PTPRM: variants seen among roughly 807,000 people sequenced by gnomAD.
The protein encoded by PTPRM is receptor-type tyrosine-protein phosphatase mu.
In PTPRM, 47 loss-of-function variants were observed where a neutral mutation model predicts 186.7. That is an observed-to-expected ratio of 0.25 (90% CI 0.20 to 0.32). PTPRM has a LOEUF of 0.32. Among genes scored for constraint, PTPRM ranks in the 10% least tolerant of loss-of-function variants. PTPRM has a pLI of 1.00. For missense variants in PTPRM, 1,494 were observed against 1,865.0 expected (o/e 0.80, Z 3.66); for synonymous variants, 668 against 674.9 (o/e 0.99, Z 0.16).
intron 13 of PTPRM, among the ~76,000 whole-genome samples, chr18:8,116,752 T>C (rs1217170710): frequency 1.3e-5 from 2 of 152,236 alleles, no homozygotes; most frequent in Non-Finnish European, 2.9e-5. Context: ...TTTGGATCAT[T>C]TTCTTCCATC....
rs149985919 is a variant in PTPRM, at chr18:8,313,958, G to A, written c.2843-823G>A. Among the ~76,000 whole-genome samples the A allele has an allele frequency of 8.8e-3, 1,342 of 152,080 alleles. 9 individuals carry two copies. Among genetic ancestry groups the A allele is most frequent in the Middle Eastern group, 0.014 (4 of 294 alleles). On this transcript the variant is annotated intron_variant, in intron 20 of 32. Transcript: ENST00000580170. The stretch of plus-strand genomic sequence containing the variant: ...TTGAAGCCAGGAATTTGAAACCAGC[G>A]TGGGCAACATAGCCAGACCCCATTT...
At chr18:8,022,216 A>G (rs564074079) in intron 7 of PTPRM, among the ~76,000 whole-genome samples, 20 of 152,178 alleles carry the variant, frequency 1.3e-4, no homozygotes, top group African/African-American at 4.8e-4. Context: ...AAATAAAGTA[A>G]TCTCTGGGAT....
chr18:8,294,451 A>T (rs4798620), intron 19 of PTPRM, among the ~76,000 whole-genome samples: 6,865 of 152,130 alleles, frequency 0.045, 219 homozygotes, highest in Non-Finnish European at 0.066. Flanking sequence ...CGCTTATAAA[A>T]CGATCAAATC....
chr18:8,043,233 C>G (rs1172513377), intron 7 of PTPRM, among the ~76,000 whole-genome samples: 1 of 152,166 alleles, frequency 6.6e-6, no homozygotes, highest in Non-Finnish European at 1.5e-5. Context: ...AGGTGCCTGT[C>G]TATGGTGGTA....
At chr18:7,700,989 A>AC (rs2039949952) in intron 1 of PTPRM, among the ~76,000 whole-genome samples, 1 of 145,602 alleles carries the variant, frequency 6.9e-6, no homozygotes, top group African/African-American at 2.6e-5. Context: ...AAAAAAAAAA[A>AC]AAAAAAAGAA....
At chr18:7,881,391 T>C (rs2048499461) in intron 2 of PTPRM, among the ~76,000 whole-genome samples, 1 of 152,210 alleles carries the variant, frequency 6.6e-6, no homozygotes, top group Non-Finnish European at 1.5e-5. Context: ...GCCGAGTTTG[T>C]GCCATTGCAT....
intron 14 of PTPRM, among the ~76,000 whole-genome samples, chr18:8,209,376 T>C (rs112437567): frequency 0.012 from 1,834 of 152,096 alleles, 34 homozygotes; most frequent in African/African-American, 0.042. Flanking sequence ...GGTTTGCTGA[T>C]AGATTGAAGT....
At chr18:8,023,723 T>A (rs2085368934) in intron 7 of PTPRM, among the ~76,000 whole-genome samples, 2 of 151,858 alleles carry the variant, frequency 1.3e-5, no homozygotes, top group African/African-American at 4.9e-5. Context: ...AAAACTTTTT[T>A]AAAAACCTTA....
intron 7 of PTPRM, among the ~76,000 whole-genome samples, chr18:8,000,130 C>T (rs2083780427): frequency 6.6e-6 from 1 of 152,208 alleles, no homozygotes; most frequent in Non-Finnish European, 1.5e-5. Context: ...CTGCTTTGCT[C>T]AGTAACGTGA....
intron 22 of PTPRM, among the ~76,000 whole-genome samples, chr18:8,333,375 T>G (rs1271871571): frequency 5.9e-5 from 9 of 152,220 alleles, no homozygotes; most frequent in Non-Finnish European, 1.3e-4. Context: ...CTGTGACACA[T>G]GAGGCAGATT....
intron 14 of PTPRM, among the ~76,000 whole-genome samples, chr18:8,224,134 T>G (rs919323880): frequency 5.9e-5 from 9 of 152,238 alleles, no homozygotes; most frequent in Non-Finnish European, 1.2e-4. Flanking sequence ...GAAACCCCAC[T>G]TTTCTACAAT....
At chr18:8,244,784 T>C (rs901709681) in intron 15 of PTPRM, among the ~76,000 whole-genome samples, 11 of 152,176 alleles carry the variant, frequency 7.2e-5, no homozygotes, top group Non-Finnish European at 1.2e-4. Flanking sequence ...AAGGCATTAT[T>C]TTAGGAAACT....
intron 22 of PTPRM, among the ~76,000 whole-genome samples, chr18:8,334,197 C>T: frequency 6.6e-6 from 1 of 152,240 alleles, no homozygotes; most frequent in East Asian, 1.9e-4. Flanking sequence ...CACCCTTGTC[C>T]TGGGTTCCCC....
intron 2 of PTPRM, chr18:7,814,874 T>A (rs1400359343): frequency 6.6e-6 from 1 of 152,230 alleles, no homozygotes; most frequent in African/African-American, 2.4e-5. Context: ...AAACTGATGT[T>A]TATGGTTTCT....
chr18:8,131,571 C>T (rs1194658237), intron 13 of PTPRM, among the ~76,000 whole-genome samples: 2 of 152,182 alleles, frequency 1.3e-5, no homozygotes, highest in African/African-American at 2.4e-5. Flanking sequence ...TGTCCCTCAG[C>T]GTCCTTAGTT....
chr18:8,116,287 T>A (rs2091954195), intron 13 of PTPRM, among the ~76,000 whole-genome samples: 1 of 152,260 alleles, frequency 6.6e-6, no homozygotes, highest in African/African-American at 2.4e-5. Context: ...TAGTTTATAA[T>A]GCTTAACGTT....
At chr18:8,110,983 T>C (rs2091729005) in intron 11 of PTPRM, among the ~76,000 whole-genome samples, 1 of 152,206 alleles carries the variant, frequency 6.6e-6, no homozygotes, top group Non-Finnish European at 1.5e-5. Context: ...GAATGAGGAA[T>C]GCCAGCACAG....
chr18:7,884,002 C>G (rs1023661162), intron 2 of PTPRM, among the ~76,000 whole-genome samples: 1 of 151,976 alleles, frequency 6.6e-6, no homozygotes, highest in African/African-American at 2.4e-5. Flanking sequence ...AAAAAATTAG[C>G]AGGGTGTGGT....
At chr18:8,233,190 T>A (rs780911775) in intron 14 of PTPRM, among the ~76,000 whole-genome samples, 4 of 152,208 alleles carry the variant, frequency 2.6e-5, no homozygotes, top group Non-Finnish European at 5.9e-5. Flanking sequence ...ACTACACACC[T>A]TGGCCTCCCA....
Sources: gnomAD v4.1 joint callset for allele counts (sites outside exome capture counted in the v4.1 genomes callset) on GRCh38, gnomAD v4.1.1 for gene constraint, MANE v1.5 for transcripts, NCBI Gene and HGNC (gene_info 2026-07-23, HGNC 2026-07-21) for gene names.